The following PRKCE variants were observed in gnomAD, a reference collection of about 807,000 sequenced individuals.
PRKCE encodes protein kinase C epsilon, also known as protein kinase C epsilon type.
In PRKCE, 16 loss-of-function variants were observed where a neutral mutation model predicts 85.4. The ratio of observed to expected loss-of-function variants is 0.19; its 90% confidence interval spans 0.13 to 0.28. The LOEUF (loss-of-function observed/expected upper bound fraction) is 0.28, where lower values mean the gene tolerates loss of function less well. PRKCE is among the 10% of genes least tolerant of loss of function. PRKCE has a pLI of 1.00. For missense variants in PRKCE, 573 were observed against 975.2 expected, an observed-to-expected ratio of 0.59 and a Z score of 5.49; for synonymous variants, 388 against 371.5, an observed-to-expected ratio of 1.04 and a Z score of -0.51.
chr2:45,748,496 C>A (rs1438134723), intron 1 of PRKCE, among the ~76,000 whole-genome samples: 1 of 152,238 alleles, frequency 6.6e-6, no homozygotes, highest in Admixed American at 6.5e-5. Context: ...AAGCAGGCCG[C>A]TGCCAGCATC....
intron 11 of PRKCE, among the ~76,000 whole-genome samples, chr2:46,143,863 C>G (rs1675803016): frequency 6.6e-6 from 1 of 152,240 alleles, no homozygotes; most frequent in African/African-American, 2.4e-5. Context: ...ACAATGCAGG[C>G]TGGTCCTAAA....
At chr2:45,744,492 TTTCTTTC>T (rs1558623927) in intron 1 of PRKCE, among the ~76,000 whole-genome samples, 1,263 of 52,180 alleles carry the variant, frequency 0.024, 36 homozygotes, top group Middle Eastern at 0.034. Flanking sequence ...TTTCTTTTTC[TTTCTTTC>T]TTTTCTTTCT....
intron 1 of PRKCE, among the ~76,000 whole-genome samples, chr2:45,726,546 T>TTTAGACATAA (rs1240045177): frequency 6.6e-6 from 1 of 152,212 alleles, no homozygotes; most frequent in Non-Finnish European, 1.5e-5. Context: ...TATGTACATT[T>TTTAGACATAA]TTAGACATAA....
At chr2:46,055,109 G>T (rs151163710) in intron 10 of PRKCE, among the ~76,000 whole-genome samples, 1 of 152,148 alleles carries the variant, frequency 6.6e-6, no homozygotes, top group Admixed American at 6.5e-5. Context: ...GTATGCAGGC[G>T]CAAAAGGCCG....
At chr2:45,730,369 G>C (rs900702773) in intron 1 of PRKCE, among the ~76,000 whole-genome samples, 2 of 151,704 alleles carry the variant, frequency 1.3e-5, no homozygotes, top group Non-Finnish European at 2.9e-5. Context: ...TGTTGCCCAG[G>C]CTGGTCTCAA....
chr2:45,691,852 C>G (rs1159000433), intron 1 of PRKCE, among the ~76,000 whole-genome samples: 1 of 152,180 alleles, frequency 6.6e-6, no homozygotes, highest in Non-Finnish European at 1.5e-5. Context: ...GCCAGCATTT[C>G]CATGAGGCAT....
rs114290459 is a variant in PRKCE, at chr2:45,993,459, G to A, written c.824-7945G>A. 3.0e-3 allele frequency among the ~76,000 whole-genome samples: 454 copies of A among 152,242 alleles called. 5 individuals are homozygous for A. Among genetic ancestry groups the A allele is most frequent in the African/African-American group, 0.01 (432 of 41,538 alleles). On this transcript the variant is annotated intron_variant, in intron 6 of 14. Coordinates refer to ENST00000306156, the MANE Select transcript of PRKCE (RefSeq NM_005400.3). Reference sequence around the variant, plus strand: ...CATATTAAGATGAGTACATAACTCAGGGGAAATAGCAGACTTTTTAAAAAT... The same window carrying A: ...CATATTAAGATGAGTACATAACTCAAGGGAAATAGCAGACTTTTTAAAAAT...
At chr2:45,840,474 G>A (rs1200471723) in intron 1 of PRKCE, 2 of 152,182 alleles carry the variant, frequency 1.3e-5, no homozygotes. Flanking sequence ...AGAAAGGAAT[G>A]AGAAAAGGCA....
chr2:46,058,982 G>A lies in PRKCE; in HGVS notation c.1438-27226G>A, dbSNP rs76921026. On this transcript the variant is annotated intron_variant, in intron 10 of 14. Coordinates refer to ENST00000306156, the MANE Select transcript of PRKCE (RefSeq NM_005400.3). ...TGAAGTGCTTGGATTACAGGCATGA[G>A]CTACTATGCCCCACTAAAAGTGTCA... Among the ~76,000 whole-genome samples, 26 of 152,330 alleles carry A rather than the reference G, an allele frequency of 1.7e-4. 1 individual carries two copies. In the East Asian group the frequency reaches 5.0e-3, roughly 29 times the overall value.
chr2:45,761,602 G>C (rs962148836), intron 1 of PRKCE, among the ~76,000 whole-genome samples: 4 of 152,074 alleles, frequency 2.6e-5, no homozygotes, highest in Non-Finnish European at 4.4e-5. Context: ...CTCACTTTTG[G>C]GTCTAGTGGA....
intron 2 of PRKCE, among the ~76,000 whole-genome samples, chr2:45,904,492 T>G (rs1696821851): frequency 1.3e-5 from 2 of 152,112 alleles, no homozygotes; most frequent in Admixed American, 6.5e-5. Flanking sequence ...GTTTAAAAAG[T>G]CATGTCTCTG....
chr2:46,076,948 T>C (rs779981106), intron 10 of PRKCE, among the ~76,000 whole-genome samples: 3 of 152,150 alleles, frequency 2.0e-5, no homozygotes, highest in Non-Finnish European at 4.4e-5. Flanking sequence ...GTCGAACTCA[T>C]AGAAGCAGAG....
intron 1 of PRKCE, among the ~76,000 whole-genome samples, chr2:45,702,970 C>A (rs527938858): frequency 6.6e-6 from 1 of 152,026 alleles, no homozygotes; most frequent in Admixed American, 6.6e-5. Flanking sequence ...CTAACAGCCT[C>A]GGCAGATAAC....
intron 11 of PRKCE, among the ~76,000 whole-genome samples, chr2:46,109,001 G>T (rs897354343): frequency 4.0e-5 from 6 of 151,794 alleles, no homozygotes; most frequent in Non-Finnish European, 7.4e-5. Flanking sequence ...TCAAAACTCA[G>T]TTGGCTGTAT....
At chr2:45,812,199 C>A (rs901956704) in intron 1 of PRKCE, among the ~76,000 whole-genome samples, 4 of 152,208 alleles carry the variant, frequency 2.6e-5, no homozygotes, top group African/African-American at 9.7e-5. Context: ...GGATCATTTT[C>A]AAGATTTATG....
chr2:45,796,331 A>G (rs1170748282), intron 1 of PRKCE, among the ~76,000 whole-genome samples: 1 of 152,166 alleles, frequency 6.6e-6, no homozygotes, highest in Non-Finnish European at 1.5e-5. Context: ...TGAACCCTTT[A>G]TGCATTAATT....
chr2:46,093,277 C>T (rs1371084197), intron 11 of PRKCE, among the ~76,000 whole-genome samples: 1 of 152,022 alleles, frequency 6.6e-6, no homozygotes, highest in Non-Finnish European at 1.5e-5. Context: ...ACTTGGAAAC[C>T]AAAATTGTGG....
At chr2:45,964,926 A>G (rs771755201) in intron 2 of PRKCE, among the ~76,000 whole-genome samples, 1 of 152,242 alleles carries the variant, frequency 6.6e-6, no homozygotes, top group African/African-American at 2.4e-5. Context: ...TGGACAGAGC[A>G]TAAATCCTGC....
At position 45,966,395 on chromosome 2, in the gene PRKCE, T is replaced by C. The variant is rs145746971; in HGVS notation, c.413-10034T>C. Among the ~76,000 whole-genome samples, 416 of 152,256 alleles carry C rather than the reference T, an allele frequency of 2.7e-3. 4 individuals carry two copies. Among genetic ancestry groups the C allele is most frequent in the African/African-American group, 9.5e-3 (394 of 41,546 alleles). On this transcript the variant is annotated intron_variant, in intron 2 of 14. Transcript: ENST00000306156. ...GCGGGATACTGTCGTGTGTGTCAGA[T>C]AGTAGTACCTCATACACTTAAGGTG...
Sources: gnomAD v4.1 joint callset for allele counts (sites outside exome capture counted in the v4.1 genomes callset) on GRCh38, gnomAD v4.1.1 for gene constraint, MANE v1.5 for transcripts, NCBI Gene and HGNC (gene_info 2026-07-23, HGNC 2026-07-21) for gene names.